Variants in RPE65 observed in about 807,000 individuals in gnomAD.
RPE65 encodes retinoid isomerohydrolase.
RPE65 carries 58 observed loss-of-function variants against 68.5 expected under a neutral mutation model. The observed-to-expected ratio is 0.85, with a 90% confidence interval of 0.69 to 1.05. The LOEUF is 1.05. RPE65 is among the 50% of genes least tolerant of loss of function. The pLI, the probability that RPE65 is intolerant of heterozygous loss-of-function variation, is 0.00. For missense variants in RPE65, 643 were observed against 629.9 expected (o/e 1.02, Z -0.22); for synonymous variants, 220 against 222.2 (o/e 0.99, Z 0.09).
intron 10 of RPE65, among the ~76,000 whole-genome samples, chr1:68,435,599 C>A (rs1645857239): frequency 6.6e-6 from 1 of 152,128 alleles, no homozygotes; most frequent in South Asian, 2.1e-4. Flanking sequence ...ATGTTTCAAC[C>A]AATTATAATA....
intron 3 of RPE65, among the ~76,000 whole-genome samples, chr1:68,445,111 T>C (rs753093596): frequency 2.6e-5 from 4 of 152,120 alleles, no homozygotes; most frequent in South Asian, 2.1e-4. Flanking sequence ...GATGAGGAAA[T>C]TGAGGTTCAG....
At chr1:68,436,974 A>T (rs780997561) in intron 10 of RPE65, among the ~76,000 whole-genome samples, 1 of 152,024 alleles carries the variant, frequency 6.6e-6, no homozygotes, top group Non-Finnish European at 1.5e-5. Flanking sequence ...TCTTAACTCA[A>T]CTACTTATTC....
Position 68,429,720 on chromosome 1 carries a change from A to G in RPE65, c.*56T>C. 6.2e-7 allele frequency: 1 copy of G among 1,608,916 alleles called. No individual in the cohort carries two copies. The highest frequency in any genetic ancestry group is 1.1e-5 in the South Asian group (1 of 90,768). ...AAAATTGAACAGAATTTGATTGCAG[A>G]CCTGAAGCTGATTTTCTCAGTTTTG... On this transcript the variant is annotated 3_prime_UTR_variant, in exon 14 of 14. Transcript: ENST00000262340.
At chr1:68,448,281 G>T (rs939714399) in intron 2 of RPE65, among the ~76,000 whole-genome samples, 1 of 152,126 alleles carries the variant, frequency 6.6e-6, no homozygotes, top group Non-Finnish European at 1.5e-5. Flanking sequence ...ATACTCCCAG[G>T]TGCTTGTCAC....
intron 2 of RPE65, among the ~76,000 whole-genome samples, chr1:68,447,321 G>GA (rs1191621350): frequency 6.6e-6 from 1 of 152,106 alleles, no homozygotes; most frequent in Non-Finnish European, 1.5e-5. Context: ...CTATTTAAAT[G>GA]AAAAAACAGG....
At position 68,438,169 on chromosome 1, in the gene RPE65, T is replaced by C. The variant is rs1291313112; in HGVS notation, c.1128+18A>G. ...AAACATTCTGGTTAAATCTGAAATC[T>C]ACAGAGAAGCAGGTTACCTTGTCAA... On this transcript the variant is annotated intron_variant, in intron 10 of 13. Coordinates refer to ENST00000262340, the MANE Select transcript of RPE65 (RefSeq NM_000329.3). 6.2e-7 allele frequency: 1 copy of C among 1,613,568 alleles called. No homozygotes were observed. Among genetic ancestry groups the C allele is most frequent in the African/African-American group, 1.3e-5 (1 of 74,920 alleles).
chr1:68,438,497 C>CAA (rs1645876748), intron 9 of RPE65, among the ~76,000 whole-genome samples, 181 bp from the exon 10 acceptor site: 1 of 152,104 alleles, frequency 6.6e-6, no homozygotes, highest in African/African-American at 2.4e-5. Context: ...ATAAAGCAAC[C>CAA]TGCTTAATGG....
intron 4 of RPE65, 27 bp from the exon 5 acceptor site, chr1:68,444,699 C>T: frequency 6.2e-7 from 1 of 1,614,008 alleles, no homozygotes; most frequent in Non-Finnish European, 8.5e-7. Flanking sequence ...ATTTTTCAGT[C>T]CAGTAATTTT....
Position 68,429,589 on chromosome 1 carries a change from A to G in RPE65, c.*187T>C. On this transcript the variant is annotated 3_prime_UTR_variant, in exon 14 of 14. Transcript: ENST00000262340. ...AGGAAGTATGATTATCTAAATACGT[A>G]CTTTTTTTTTTAAATAAAGGAATTG... 1 of 637,234 alleles carries G rather than the reference A, an allele frequency of 1.6e-6. No homozygotes were observed. Among genetic ancestry groups the G allele is most frequent in the Non-Finnish European group, 2.7e-6 (1 of 369,694 alleles). 39.5% of individuals were successfully genotyped at this position (637,234 alleles called of 1,614,324 possible). A position where few individuals can be genotyped will look rare whatever the true frequency, so the allele number is the denominator to read the frequency against.
intron 10 of RPE65, 53 bp downstream of exon 10, chr1:68,438,134 G>A: frequency 3.1e-6 from 5 of 1,608,142 alleles, no homozygotes; most frequent in Non-Finnish European, 4.3e-6. Flanking sequence ...GACAATTCCT[G>A]AGAGAGATGA....
In RPE65 at chr1:68,444,818, C is replaced by T. The variant is rs61752875; in HGVS notation, c.311G>A (p.Gly104Asp). Reference protein sequence around the residue: ...TEKRIVITEFGTCAFPDPCKN... With the variant: ...TEKRIVITEFDTCAFPDPCKN... ...GCAGGGATCTGGGAAAGCACAGGTGCCAAATTCTGTTATGACGATCCTTTT... is the reference window on the plus strand; with the variant it reads ...GCAGGGATCTGGGAAAGCACAGGTGTCAAATTCTGTTATGACGATCCTTTT... Residue 104 changes from glycine to aspartate, a missense_variant, in exon 4 of 14, where the codon GGC (glycine) becomes GAC (aspartate). Transcript: ENST00000262340. The T allele has an allele frequency of 6.2e-7, 1 of 1,613,888 alleles. No homozygotes were observed. The highest frequency in any genetic ancestry group is 8.5e-7 in the Non-Finnish European group (1 of 1,180,012).
At chr1:68,447,014 A>G (rs1645947584) in intron 2 of RPE65, among the ~76,000 whole-genome samples, 154 bp from the exon 3 acceptor site, 1 of 152,086 alleles carries the variant, frequency 6.6e-6, no homozygotes, top group African/African-American at 2.4e-5. Context: ...GCTGGACAGC[A>G]CTTAGAAAAT....
Position 68,429,519 on chromosome 1 carries a change from A to G in RPE65, c.*257T>C. ...TAAGTCCACATTCATTTCCTATTTG[A>G]TTGCTAAATATTTAAGAGTTTTTCA... On this transcript the variant is annotated 3_prime_UTR_variant, in exon 14 of 14. Transcript: ENST00000262340. 1 of 469,598 alleles carries G rather than the reference A, an allele frequency of 2.1e-6. No individual in the cohort carries two copies. Among genetic ancestry groups the G allele is most frequent in the Non-Finnish European group, 3.9e-6 (1 of 258,882 alleles). 29.1% of individuals were successfully genotyped at this position (469,598 alleles called of 1,614,324 possible).
intron 3 of RPE65, among the ~76,000 whole-genome samples, chr1:68,445,328 C>A (rs1406953594): frequency 6.6e-6 from 1 of 152,010 alleles, no homozygotes; most frequent in Non-Finnish European, 1.5e-5. Flanking sequence ...TCTCAATCTC[C>A]CTCTGTTACT....
Position 68,431,572 on chromosome 1 carries a change from T to C in RPE65, c.1142A>G (p.Lys381Arg). ...TGTATTGGGGAGCGTGACTAAATTC[T>C]TGCCTGTGTCAGCCTAGGAGAGAAG... ...PLNIDKADTG[K>R]NLVTLPNTTA... Residue 381 changes from lysine to arginine, a missense_variant, in exon 11 of 14, where the codon AAG becomes AGG. Lys to Arg is a conservative substitution (Grantham distance 26). Transcript: ENST00000262340. 1.2e-6 allele frequency: 2 copies of C among 1,613,742 alleles called. No individual in the cohort carries two copies. The highest frequency in any genetic ancestry group is 1.7e-6 in the Non-Finnish European group (2 of 1,179,762).
intron 5 of RPE65, among the ~76,000 whole-genome samples, chr1:68,444,188 T>C (rs1410869040): frequency 6.6e-6 from 1 of 152,216 alleles, no homozygotes; most frequent in Non-Finnish European, 1.5e-5. Flanking sequence ...AATGAATGAA[T>C]ATGTTAGGCA....
chr1:68,444,085 G>A (rs1301302482), intron 5 of RPE65, among the ~76,000 whole-genome samples: 1 of 152,132 alleles, frequency 6.6e-6, no homozygotes, highest in African/African-American at 2.4e-5. Flanking sequence ...ATGAAAGGCA[G>A]GGACCATGTT....
Position 68,446,732 on chromosome 1 carries a change from C to T in RPE65, c.223G>A (p.Gly75Arg), listed in dbSNP as rs267598701. The T allele has an allele frequency of 3.1e-6, 5 of 1,614,156 alleles. No homozygotes were observed. The highest frequency in any genetic ancestry group is 2.5e-6 in the Non-Finnish European group (3 of 1,180,030). ...TACCTTCTGTGGTATGTGACATGTC[C>T]TTCTTTAAAGTCAAACTTGTGCAGG... ...ALLHKFDFKE[G>R]HVTYHRRFIR... The change falls in exon 3 of 14, where the codon GGA becomes AGA. Residue 75 changes from glycine to arginine, a missense_variant. Coordinates refer to ENST00000262340, the MANE Select transcript of RPE65 (RefSeq NM_000329.3).
At chr1:68,431,691 T>C (rs1645827494) in intron 10 of RPE65, 106 bp from the exon 11 acceptor site, 2 of 914,902 alleles carry the variant, frequency 2.2e-6, no homozygotes, top group Admixed American at 3.9e-5. Context: ...TAGGTCAACA[T>C]GCAGGGAGGA....
Sources: allele counts gnomAD v4.1 joint callset (sites outside exome capture counted in the v4.1 genomes callset), GRCh38; gene constraint gnomAD v4.1.1; transcripts MANE v1.5; gene names NCBI Gene and HGNC (gene_info 2026-07-23, HGNC 2026-07-21).